The following HIPK2 variants were observed in gnomAD, a reference collection of about 807,000 sequenced individuals.
HIPK2 encodes the protein homeodomain-interacting protein kinase 2.
In HIPK2, 27 loss-of-function variants were observed where a neutral mutation model predicts 113.7. The ratio of observed to expected loss-of-function variants is 0.24; its 90% CI spans 0.17 to 0.33. The LOEUF is 0.33. Ranked by LOEUF, HIPK2 falls within the 10% of genes least tolerant of loss-of-function variation. The pLI, the probability that HIPK2 is intolerant of heterozygous loss-of-function variation, is 1.00. For synonymous variants in HIPK2, 631 were observed against 642.2 expected, an observed-to-expected ratio of 0.98 and a Z score of 0.26; for missense variants, 1,257 against 1,588.0, an observed-to-expected ratio of 0.79 and a Z score of 3.54.
chr7:139,629,218 C>G (rs1800531656), intron 4 of HIPK2, among the ~76,000 whole-genome samples, 179 bp from the exon 5 acceptor site: 1 of 152,154 alleles, frequency 6.6e-6, no homozygotes, highest in Admixed American at 6.5e-5. Flanking sequence ...ACCAACCCAT[C>G]CCTCCTCCTT....
At chr7:139,604,246 A>G in intron 9 of HIPK2, 23 bp from the exon 10 acceptor site, 1 of 1,588,318 alleles carries the variant, frequency 6.3e-7, no homozygotes, top group Non-Finnish European at 8.6e-7. Flanking sequence ...GGACATGTGC[A>G]ATGACCATGT....
rs559158853 is a variant in HIPK2, at chr7:139,562,285, T to C, written c.*10642A>G. The C allele has an allele frequency of 2.0e-5, 3 of 152,288 alleles. No homozygotes were observed. Among genetic ancestry groups the C allele is most frequent in the East Asian group, 3.9e-4 (2 of 5,178 alleles). The allele number at this position is 152,288 out of a possible 1,614,324, so 9.4% of individuals were successfully genotyped here. ...ACAGACCAGGGCTTTCATAGGGTTA[T>C]TGAGATTGAGCTGAGATGACCTGGG... On this transcript the variant is annotated 3_prime_UTR_variant, in exon 15 of 15. Transcript: ENST00000406875.
chr7:139,740,736 C>T lies in HIPK2; in HGVS notation c.20-23721G>A, dbSNP rs1234860064. Among the ~76,000 whole-genome samples, 4 of 152,204 alleles carry T rather than the reference C, an allele frequency of 2.6e-5. No individual in the cohort carries two copies. The East Asian group carries it at 5.8e-4, about 22-fold the overall frequency. ...CATGGGCTGAAGCCCAGGGAAGGAG[C>T]CAAGTCCACCACCAATGCAACTGGT... On this transcript the variant is annotated intron_variant, in intron 1 of 14. Coordinates refer to ENST00000406875, the MANE Select transcript of HIPK2 (RefSeq NM_022740.5).
intron 2 of HIPK2, among the ~76,000 whole-genome samples, chr7:139,707,441 C>T (rs1224029311): frequency 4.6e-5 from 7 of 152,254 alleles, no homozygotes; most frequent in Non-Finnish European, 7.3e-5. Context: ...TGCGACGCAG[C>T]GACCTGCTCT....
chr7:139,625,930 T>G lies in HIPK2; in HGVS notation c.1619+671A>C, dbSNP rs866570484. 2.0e-5 allele frequency among the ~76,000 whole-genome samples: 3 copies of G among 152,244 alleles called. No individual in the cohort carries two copies. In the Middle Eastern group the frequency reaches 0.01, roughly 518 times the overall value. On this transcript the variant is annotated intron_variant, in intron 6 of 14. Coordinates refer to ENST00000406875, the MANE Select transcript of HIPK2 (RefSeq NM_022740.5). ...AGGTTCTGGGAGCAATCTTTGGCCC[T>G]GAGACTAGTTTTGCGCTACAGAGAC...
intron 5 of HIPK2, among the ~76,000 whole-genome samples, chr7:139,628,133 A>AG (rs1242788987): frequency 2.0e-5 from 3 of 152,222 alleles, no homozygotes; most frequent in African/African-American, 4.8e-5. Context: ...AAGAACGCTG[A>AG]GGATTGCCAG....
chr7:139,652,419 T>C (rs542908555), intron 2 of HIPK2, among the ~76,000 whole-genome samples: 22 of 152,214 alleles, frequency 1.4e-4, no homozygotes, highest in Non-Finnish European at 2.8e-4. Flanking sequence ...CTGATATTTA[T>C]TGAGCTCCCA....
chr7:139,620,990 T>A (rs1188320983), intron 6 of HIPK2, among the ~76,000 whole-genome samples: 1 of 152,106 alleles, frequency 6.6e-6, no homozygotes, highest in East Asian at 1.9e-4. Flanking sequence ...AAGACAACCC[T>A]TGTAGTCACC....
rs1796331149 is a variant in HIPK2 at position 139,754,378 on chromosome 7, T to C, written c.19+23227A>G. 7.9e-5 allele frequency among the ~76,000 whole-genome samples: 12 copies of C among 152,288 alleles called. No individual in the cohort carries two copies. The South Asian group carries it at 2.5e-3, about 32-fold the overall frequency. ...ACTGAGGGCCATCAAGACCACTTTG[T>C]GGAGGCCATAAGGAAAAGACCTAGA... On this transcript the variant is annotated intron_variant, in intron 1 of 14. Transcript: ENST00000406875.
At chr7:139,573,699 C>T (rs529851101) in intron 14 of HIPK2, among the ~76,000 whole-genome samples, 4 of 152,018 alleles carry the variant, frequency 2.6e-5, no homozygotes, top group East Asian at 3.9e-4. Flanking sequence ...AAAAATTAGC[C>T]GGGCATGGTG....
intron 2 of HIPK2, among the ~76,000 whole-genome samples, chr7:139,650,467 T>C (rs996264741): frequency 9.5e-5 from 12 of 126,268 alleles, no homozygotes; most frequent in African/African-American, 2.7e-4. Context: ...TCCCTTCGGG[T>C]TTTTTTTTTT....
At chr7:139,689,585 G>T (rs572543457) in intron 2 of HIPK2, among the ~76,000 whole-genome samples, 29 of 152,240 alleles carry the variant, frequency 1.9e-4, no homozygotes, top group South Asian at 6.2e-4. Context: ...AAGAATACTG[G>T]GTCTGCTATG....
chr7:139,670,751 C>CTTT lies in HIPK2; in HGVS notation c.1104-39029_1104-39027dup, dbSNP rs1802244998. 1.7e-4 allele frequency among the ~76,000 whole-genome samples: 10 copies of CTTT among 58,976 alleles called. 1 individual carries two copies. The highest frequency in any genetic ancestry group is 5.4e-4 in the African/African-American group (10 of 18,526). The allele number at this position is 58,976 out of a possible 152,430, so 38.7% of individuals were successfully genotyped here. A position where few individuals can be genotyped will look rare whatever the true frequency, so the allele number is the denominator to read the frequency against. On this transcript the variant is annotated intron_variant, in intron 2 of 14. Coordinates refer to ENST00000406875, the MANE Select transcript of HIPK2 (RefSeq NM_022740.5). ...TTTTCTTTTCTTTCTTTCTTTCTTT[C>CTTT]TTTCTTTCTTTTTTTTTTTTTTTTT... is the stretch of plus-strand genomic sequence containing the variant.
intron 1 of HIPK2, among the ~76,000 whole-genome samples, chr7:139,776,471 C>T (rs1463395655): frequency 1.3e-5 from 2 of 151,638 alleles, no homozygotes; most frequent in Non-Finnish European, 2.9e-5. Flanking sequence ...TTAATGCCTT[C>T]CCTGTCTCAC....
intron 6 of HIPK2, among the ~76,000 whole-genome samples, chr7:139,622,788 C>G (rs1362317388): frequency 6.6e-6 from 1 of 152,200 alleles, no homozygotes; most frequent in Non-Finnish European, 1.5e-5. Context: ...TAGGTGTGTT[C>G]AGAGACCCAC....
intron 1 of HIPK2, among the ~76,000 whole-genome samples, chr7:139,761,939 CAG>C (rs137949324): frequency 1.8e-3 from 261 of 147,102 alleles, no homozygotes; most frequent in Non-Finnish European, 1.7e-3. Flanking sequence ...TGGACAGAGA[CAG>C]AGAGAGAGAG....
chr7:139,590,627 T>C (rs1337702016), intron 12 of HIPK2, among the ~76,000 whole-genome samples: 1 of 152,206 alleles, frequency 6.6e-6, no homozygotes, highest in Non-Finnish European at 1.5e-5. Context: ...GCATACTAAC[T>C]ACAGCTTAAA....
chr7:139,632,026 T>A (rs1800635715), intron 2 of HIPK2, among the ~76,000 whole-genome samples: 3 of 152,238 alleles, frequency 2.0e-5, no homozygotes, highest in Admixed American at 2.0e-4. Flanking sequence ...TCAGATGAGC[T>A]AACAACCATT....
intron 14 of HIPK2, 88 bp from the exon 15 acceptor site, chr7:139,573,485 G>A (rs1345096135): frequency 8.2e-7 from 1 of 1,221,416 alleles, no homozygotes; most frequent in African/African-American, 1.5e-5. Context: ...CAGGGAGGAG[G>A]AAGAGAAGGG....
Sources: allele counts gnomAD v4.1 joint callset (sites outside exome capture counted in the v4.1 genomes callset), GRCh38; gene constraint gnomAD v4.1.1; transcripts MANE v1.5; gene names NCBI Gene and HGNC (gene_info 2026-07-23, HGNC 2026-07-21).